The following ADCY1 variants were observed in gnomAD, a reference collection of about 807,000 sequenced individuals.
ADCY1 encodes the protein adenylate cyclase 1.
In ADCY1, 28 loss-of-function variants were observed where a neutral mutation model predicts 105.4. The observed-to-expected ratio is 0.27, with a 90% CI of 0.20 to 0.36. The LOEUF (loss-of-function observed/expected upper bound fraction) is 0.36, where lower values mean the gene tolerates loss of function less well. Ranked by LOEUF, ADCY1 falls within the 10% of genes least tolerant of loss-of-function variation. ADCY1 has a pLI of 1.00. For synonymous variants in ADCY1, 655 were observed against 623.8 expected (o/e 1.05, Z -0.75); for missense variants, 977 against 1,434.2 (o/e 0.68, Z 5.15).
chr7:45,595,573 T>G (rs1397396235), intron 2 of ADCY1, among the ~76,000 whole-genome samples: 2 of 152,210 alleles, frequency 1.3e-5, no homozygotes, highest in Non-Finnish European at 1.5e-5. Context: ...CATTCTGACT[T>G]TCCTGGCAGT....
At chr7:45,682,024 T>A (rs1373458649) in intron 11 of ADCY1, among the ~76,000 whole-genome samples, 2 of 152,196 alleles carry the variant, frequency 1.3e-5, no homozygotes, top group Non-Finnish European at 2.9e-5. Context: ...AACTCCAGGC[T>A]TGGGCTCCAG....
rs80190067 is a variant in ADCY1 at position 45,706,348 on chromosome 7, T to C, written c.2817+1732T>C. 2.8e-3 allele frequency among the ~76,000 whole-genome samples: 424 copies of C among 152,016 alleles called. 3 individuals carry two copies. The highest frequency in any genetic ancestry group is 9.8e-3 in the African/African-American group (407 of 41,438). ...TGGTATTGGCAAAAGAATAGGCAAATAGATCAGTGCAACAGACTAGGGAGC... is the reference window on the plus strand; with the variant it reads ...TGGTATTGGCAAAAGAATAGGCAAACAGATCAGTGCAACAGACTAGGGAGC... On this transcript the variant is annotated intron_variant, in intron 17 of 19. Transcript: ENST00000297323.
chr7:45,596,306 A>C (rs1793070175), intron 2 of ADCY1, among the ~76,000 whole-genome samples: 1 of 149,236 alleles, frequency 6.7e-6, no homozygotes, highest in Non-Finnish European at 1.5e-5. Context: ...AGGCAACACA[A>C]CGGGTGATGG....
At chr7:45,630,225 T>C (rs565069647) in intron 4 of ADCY1, among the ~76,000 whole-genome samples, 32 of 152,382 alleles carry the variant, frequency 2.1e-4, no homozygotes, top group African/African-American at 7.5e-4. Flanking sequence ...GTTTATTCTC[T>C]TAACAGTGTT....
At chr7:45,659,273 C>A (rs965408470) in intron 6 of ADCY1, among the ~76,000 whole-genome samples, 3 of 152,230 alleles carry the variant, frequency 2.0e-5, no homozygotes, top group African/African-American at 7.2e-5. Flanking sequence ...TCGTCCTCAG[C>A]CAGCCTTAGA....
In ADCY1 at chr7:45,704,521, A is replaced by G. The variant is rs759334023; in HGVS notation, c.2722A>G (p.Met908Val). 1 of 1,613,854 alleles carries G rather than the reference A, an allele frequency of 6.2e-7. No individual in the cohort carries two copies. The highest frequency in any genetic ancestry group is 2.2e-5 in the East Asian group (1 of 44,884). ...CAGTTTTATGTTTTAAACAAAGCTC[A>G]TGGAAAAAGACTTTTACAAGGACAT... ...NEIIADFDELMEKDFYKDIEK... is the reference protein window; with the variant it reads ...NEIIADFDELVEKDFYKDIEK... Residue 908 changes from methionine (M) to valine (V), a missense_variant, in exon 17 of 20, where the codon ATG becomes GTG. Coordinates refer to ENST00000297323, the MANE Select transcript of ADCY1 (RefSeq NM_021116.4).
At chr7:45,702,902 A>G (rs1164646202) in intron 14 of ADCY1, among the ~76,000 whole-genome samples, 1 of 152,164 alleles carries the variant, frequency 6.6e-6, no homozygotes, top group Non-Finnish European at 1.5e-5. Context: ...GCCCAGAGGG[A>G]TGTGGCTCTA....
In ADCY1 at chr7:45,660,037, T is replaced by C. The variant is rs772688516; in HGVS notation, c.1308-5T>C. On this transcript the variant is annotated splice_polypyrimidine_tract_variant and splice_region_variant and intron_variant, in intron 6 of 19. Coordinates refer to ENST00000297323, the MANE Select transcript of ADCY1 (RefSeq NM_021116.4). ...TCATCTGGCCTCTGCCTCCTCCTTT[T>C]GTAGGAAGGTTCATATCACAAAGAC... is the stretch of plus-strand genomic sequence containing the variant. 8 of 1,613,872 alleles carry C rather than the reference T, an allele frequency of 5.0e-6. No individual in the cohort carries two copies. The highest frequency in any genetic ancestry group is 6.8e-6 in the Non-Finnish European group (8 of 1,179,944).
At chr7:45,650,810 C>T (rs73318997) in intron 5 of ADCY1, among the ~76,000 whole-genome samples, 2,479 of 152,244 alleles carry the variant, frequency 0.016, 52 homozygotes, top group African/African-American at 0.047. Context: ...TTTCTGCAGA[C>T]GTGCCTCTTC....
rs1051912438 is a variant in ADCY1 at position 45,719,916 on chromosome 7, C to G, written c.*5921C>G. The stretch of plus-strand genomic sequence containing the variant: ...AACTTTATCATCTACTACATCAGCA[C>G]TGAAGTCCAGGGGCATTGAGGCACT... On this transcript the variant is annotated 3_prime_UTR_variant, in exon 20 of 20. Transcript: ENST00000297323. The G allele has an allele frequency of 6.6e-6, 1 of 152,146 alleles. No individual in the cohort carries two copies. The highest frequency in any genetic ancestry group is 2.1e-4 in the South Asian group (1 of 4,822). 9.4% of individuals were successfully genotyped at this position (152,146 alleles called of 1,614,324 possible).
At chr7:45,655,289 C>T (rs1477259028) in intron 5 of ADCY1, among the ~76,000 whole-genome samples, 1 of 152,230 alleles carries the variant, frequency 6.6e-6, no homozygotes, top group African/African-American at 2.4e-5. Flanking sequence ...CATTTCCTTC[C>T]TGTTGGGGTC....
At chr7:45,679,990 C>T (rs539375814) in intron 11 of ADCY1, among the ~76,000 whole-genome samples, 197 bp downstream of exon 11, 2 of 152,198 alleles carry the variant, frequency 1.3e-5, no homozygotes, top group South Asian at 4.1e-4. Flanking sequence ...ATGAGGGTGG[C>T]CTCTGCCTGC....
Position 45,657,489 on chromosome 7 carries a change from C to T in ADCY1, c.1149-238C>T, listed in dbSNP as rs140011019. 4.2e-3 allele frequency among the ~76,000 whole-genome samples: 638 copies of T among 152,310 alleles called. 8 individuals carry two copies. Among genetic ancestry groups the T allele is most frequent in the African/African-American group, 0.014 (588 of 41,556 alleles). ...TCATGAGTCTGGTGTGGACATGGTGCGAGCTGGCTGGGAGCATGGGCCAGA... is the reference window on the plus strand; with the variant it reads ...TCATGAGTCTGGTGTGGACATGGTGTGAGCTGGCTGGGAGCATGGGCCAGA... On this transcript the variant is annotated intron_variant, in intron 5 of 19. Coordinates refer to ENST00000297323, the MANE Select transcript of ADCY1 (RefSeq NM_021116.4).
chr7:45,623,333 G>A lies in ADCY1; in HGVS notation c.1020+590G>A, dbSNP rs1052319402. Among the ~76,000 whole-genome samples the A allele has an allele frequency of 6.6e-5, 10 of 152,240 alleles. No individual in the cohort carries two copies. In the East Asian group the frequency reaches 9.6e-4, roughly 15 times the overall value. On this transcript the variant is annotated intron_variant, in intron 4 of 19. Transcript: ENST00000297323. ...GTCGGGCCAAGGCCATACCAACAGC[G>A]TTGGCTTGTAACGTGCATGTTAGGA...
rs1357140482 is a variant in ADCY1 at position 45,720,511 on chromosome 7, CTCA to C, written c.*6517_*6519del. On this transcript the variant is annotated 3_prime_UTR_variant, in exon 20 of 20. Transcript: ENST00000297323. Reference sequence around the variant, plus strand: ...AGCCTGGGCGACAGAGCAAGACTCTCTCAAAAAAAAAAAAAAAAGAAAGAAAGA... The same window carrying C: ...AGCCTGGGCGACAGAGCAAGACTCTCAAAAAAAAAAAAAAAGAAAGAAAGA... The C allele has an allele frequency of 5.5e-5, 7 of 127,822 alleles. No homozygotes were observed. The highest frequency in any genetic ancestry group is 2.3e-4 in the African/African-American group (7 of 29,826). The allele number at this position is 127,822 out of a possible 1,614,324, so 7.9% of individuals were successfully genotyped here.
chr7:45,621,215 G>A (rs1340737744), intron 3 of ADCY1, among the ~76,000 whole-genome samples: 5 of 152,086 alleles, frequency 3.3e-5, no homozygotes, highest in Admixed American at 6.5e-5. Flanking sequence ...ACAGGTGCAC[G>A]CCAACACACC....
rs547947208 is a variant in ADCY1, at chr7:45,708,107, C to A, written c.2818-243C>A. ...CTCCCACTCAAAAGGGCTGCCCTGC[C>A]CTATTCCTGCAGGCAGCCTTGGGTG... On this transcript the variant is annotated intron_variant, in intron 17 of 19. Transcript: ENST00000297323. This position sits in a 1 kb window ranked among gnomAD's most constrained non-coding sequence, Gnocchi z 4.7. Among the ~76,000 whole-genome samples the A allele has an allele frequency of 6.6e-6, 1 of 152,214 alleles. No homozygotes were observed. The highest frequency in any genetic ancestry group is 2.4e-5 in the African/African-American group (1 of 41,462).
chr7:45,622,813 A>G, intron 4 of ADCY1, 70 bp downstream of exon 4: 1 of 1,237,302 alleles, frequency 8.1e-7, no homozygotes, highest in Non-Finnish European at 1.2e-6. Flanking sequence ...AGCCAGGTGG[A>G]TTCCCTGTAT....
chr7:45,648,286 G>T lies in ADCY1; in HGVS notation c.1021-384G>T, dbSNP rs149910983. 5.4e-3 allele frequency among the ~76,000 whole-genome samples: 824 copies of T among 152,350 alleles called. 6 individuals carry two copies. The highest frequency in any genetic ancestry group is 0.018 in the African/African-American group (762 of 41,582). On this transcript the variant is annotated intron_variant, in intron 4 of 19. Coordinates refer to ENST00000297323, the MANE Select transcript of ADCY1 (RefSeq NM_021116.4). ...TCCAGAGGGCTGTCCGTGATGGTCT[G>T]CATGGCGGTTAAGGGAGGTGCCGTG...
Sources: allele counts gnomAD v4.1 joint callset (sites outside exome capture counted in the v4.1 genomes callset), GRCh38; gene constraint gnomAD v4.1.1; non-coding constraint Gnocchi (gnomAD v3.1); transcripts MANE v1.5; gene names NCBI Gene and HGNC (gene_info 2026-07-23, HGNC 2026-07-21).